Variants in CLMP observed in about 807,000 individuals in gnomAD.
CLMP encodes CXADR like cell adhesion molecule.
A neutral mutation model predicts 45.2 loss-of-function variants in CLMP; 27 were observed. The observed-to-expected ratio is 0.60, with a 90% CI of 0.44 to 0.82. CLMP has a LOEUF of 0.82. Ranked by LOEUF, CLMP falls within the 40% of genes least tolerant of loss-of-function variation. The pLI, the probability that CLMP is intolerant of heterozygous loss-of-function variation, is 0.00. For synonymous variants in CLMP, 167 were observed against 171.4 expected (o/e 0.97, Z 0.20); for missense variants, 403 against 448.4 (o/e 0.90, Z 0.91).
At chr11:123,094,509 C>G (rs1026080594) in intron 2 of CLMP, among the ~76,000 whole-genome samples, 2 of 152,192 alleles carry the variant, frequency 1.3e-5, no homozygotes, top group Admixed American at 1.3e-4. Flanking sequence ...TACCTCAGCT[C>G]CTTATTTGTA....
At chr11:123,089,464 A>G (rs1865901171) in intron 2 of CLMP, among the ~76,000 whole-genome samples, 1 of 151,874 alleles carries the variant, frequency 6.6e-6, no homozygotes, top group South Asian at 2.1e-4. Context: ...TGTCTAGTCT[A>G]TGTTAAAAGA....
At chr11:123,153,276 T>C (rs1227144107) in intron 1 of CLMP, among the ~76,000 whole-genome samples, 1 of 152,144 alleles carries the variant, frequency 6.6e-6, no homozygotes, top group African/African-American at 2.4e-5. Flanking sequence ...AAATACAAGT[T>C]TCAGATATTT....
At chr11:123,169,600 T>C (rs1468052922) in intron 1 of CLMP, among the ~76,000 whole-genome samples, 1 of 152,170 alleles carries the variant, frequency 6.6e-6, no homozygotes, top group South Asian at 2.1e-4. Context: ...TTTTCATCCA[T>C]TGCAATCATA....
chr11:123,106,431 G>A (rs950177114), intron 1 of CLMP, among the ~76,000 whole-genome samples: 17 of 96,230 alleles, frequency 1.8e-4, no homozygotes, highest in Admixed American at 3.5e-4. Context: ...GTGTGCGCGC[G>A]CGCGCGCGCA....
At chr11:123,118,349 A>G (rs1042123360) in intron 1 of CLMP, among the ~76,000 whole-genome samples, 80 of 152,084 alleles carry the variant, frequency 5.3e-4, no homozygotes, top group Admixed American at 6.6e-4. Flanking sequence ...TGGCCAGGCT[A>G]GTCTCGAACT....
At chr11:123,189,656 A>G (rs570491978) in intron 1 of CLMP, among the ~76,000 whole-genome samples, 1 of 152,334 alleles carries the variant, frequency 6.6e-6, no homozygotes, top group African/African-American at 2.4e-5. Flanking sequence ...CAAGGAATCC[A>G]TTAAGCTGTA....
chr11:123,129,617 TATATA>T (rs561712339), intron 1 of CLMP, among the ~76,000 whole-genome samples: 2,100 of 141,374 alleles, frequency 0.015, 49 homozygotes, highest in African/African-American at 0.05. Flanking sequence ...ATATTATATT[TATATA>T]ATATAATATA....
chr11:123,099,192 C>G (rs564935163), intron 1 of CLMP, among the ~76,000 whole-genome samples: 2 of 152,158 alleles, frequency 1.3e-5, no homozygotes, highest in Non-Finnish European at 2.9e-5. Context: ...AGATGATACT[C>G]ATGGAAACTG....
rs1203827160 is a variant in CLMP, at chr11:123,078,063, A to G, written c.680-3220T>C. Among the ~76,000 whole-genome samples the G allele has an allele frequency of 2.0e-5, 3 of 151,986 alleles. No homozygotes were observed. In the East Asian group the frequency reaches 5.8e-4, roughly 29 times the overall value. On this transcript the variant is annotated intron_variant, in intron 5 of 6. Transcript: ENST00000448775. ...GGAGGTTGCAGTGAGCCGAGATCGC[A>G]CCATTGCACTCCAGCCTGTGCAACA...
At chr11:123,130,818 A>T (rs1400195123) in intron 1 of CLMP, among the ~76,000 whole-genome samples, 1 of 151,864 alleles carries the variant, frequency 6.6e-6, no homozygotes, top group Non-Finnish European at 1.5e-5. Flanking sequence ...TCCTTCCCCA[A>T]ATGGAATCGT....
At chr11:123,187,695 AG>A (rs1196499774) in intron 1 of CLMP, among the ~76,000 whole-genome samples, 1 of 151,842 alleles carries the variant, frequency 6.6e-6, no homozygotes, top group Non-Finnish European at 1.5e-5. Flanking sequence ...TCTTTTTTTT[AG>A]AAAACATCCC....
chr11:123,178,859 T>G lies in CLMP; in HGVS notation c.28+16054A>C, dbSNP rs759424488. Among the ~76,000 whole-genome samples, 5 of 152,194 alleles carry G rather than the reference T, an allele frequency of 3.3e-5. 1 individual carries two copies. Among genetic ancestry groups the G allele is most frequent in the Admixed American group, 1.3e-4 (2 of 15,280 alleles). ...AGCCTCAGTTTACGTATTGGTAGAA[T>G]GAGGATTGGTGCTTTGTACTTCAGG... On this transcript the variant is annotated intron_variant, in intron 1 of 6. Transcript: ENST00000448775.
intron 1 of CLMP, among the ~76,000 whole-genome samples, chr11:123,101,102 T>C (rs975751419): frequency 6.6e-6 from 1 of 152,192 alleles, no homozygotes; most frequent in Non-Finnish European, 1.5e-5. Context: ...TTTCAAAATA[T>C]GAAACAGCCT....
chr11:123,157,458 C>T (rs1163978861), intron 1 of CLMP, among the ~76,000 whole-genome samples: 1 of 152,158 alleles, frequency 6.6e-6, no homozygotes, highest in East Asian at 1.9e-4. Context: ...GAGGCTGAGG[C>T]AGGCAAATCA....
At chr11:123,140,361 C>A (rs990935603) in intron 1 of CLMP, among the ~76,000 whole-genome samples, 3 of 152,060 alleles carry the variant, frequency 2.0e-5, no homozygotes, top group Admixed American at 1.3e-4. Context: ...GTTATTAGAT[C>A]TTGTTTCATG....
chr11:123,096,391 G>A (rs182459622), intron 2 of CLMP, among the ~76,000 whole-genome samples: 67 of 152,194 alleles, frequency 4.4e-4, no homozygotes, highest in African/African-American at 1.6e-3. Flanking sequence ...AGGCGTGGTG[G>A]TGCACGTCTG....
rs151337126 is a variant in CLMP, at chr11:123,073,692, A to G, written c.904T>C (p.Ser302Pro). 6.2e-7 allele frequency: 1 copy of G among 1,614,166 alleles called. No homozygotes were observed. The highest frequency in any genetic ancestry group is 8.5e-7 in the Non-Finnish European group (1 of 1,180,022). Residue 302 changes from serine (S) to proline (P), a missense_variant, in exon 7 of 7, where the codon TCC becomes CCC. Transcript: ENST00000448775. ...SGSRSSRSGS[S>P]STRSTANSAS... ...CTATTTGCTGTGGAGCGAGTGGAGG[A>G]AGAACCAGAGCGTGAGCTCCGAGAG...
chr11:123,124,076 G>C (rs1860856874), intron 1 of CLMP, among the ~76,000 whole-genome samples: 1 of 152,162 alleles, frequency 6.6e-6, no homozygotes, highest in African/African-American at 2.4e-5. Context: ...GAAACTTCTA[G>C]GTAAATATTA....
chr11:123,099,443 A>G (rs895781082), intron 1 of CLMP, among the ~76,000 whole-genome samples: 14 of 152,248 alleles, frequency 9.2e-5, no homozygotes, highest in African/African-American at 3.4e-4. Context: ...GCAATTAATT[A>G]TAGGGTTCAG....
Sources: gnomAD v4.1 joint callset for allele counts (sites outside exome capture counted in the v4.1 genomes callset) on GRCh38, gnomAD v4.1.1 for gene constraint, MANE v1.5 for transcripts, NCBI Gene and HGNC (gene_info 2026-07-23, HGNC 2026-07-21) for gene names.